The following BRD10 variants were observed in gnomAD, a reference collection of about 807,000 sequenced individuals.
The protein encoded by BRD10 is bromodomain containing 10.
At chr9:5,999,345 T>C in the BRD10 span, among the ~76,000 whole-genome samples, 2 of 152,118 alleles carry the variant, frequency 1.3e-5, no homozygotes. Flanking sequence ...TTCTGCTATA[T>C]ATAAAACTAA....
At chr9:5,947,690 T>C in the BRD10 span, among the ~76,000 whole-genome samples, 1 of 152,070 alleles carries the variant, frequency 6.6e-6, no homozygotes, top group Non-Finnish European at 1.5e-5. Context: ...TAGTTTGACT[T>C]ATGCCAACTC....
the BRD10 span, chr9:5,898,829 G>A: frequency 0.3 from 45,083 of 152,014 alleles, 6,953 homozygotes; most frequent in East Asian, 0.46. Flanking sequence ...TCATCAGTGC[G>A]ATGAGGAAAC....
chr9:5,952,664 C>A, the BRD10 span, among the ~76,000 whole-genome samples: 1 of 152,158 alleles, frequency 6.6e-6, no homozygotes, highest in Non-Finnish European at 1.5e-5. Context: ...AGTCTATTCA[C>A]TAAGATGGGT....
At chr9:5,959,599 A>G in the BRD10 span, among the ~76,000 whole-genome samples, 35 of 152,288 alleles carry the variant, frequency 2.3e-4, no homozygotes, top group African/African-American at 7.9e-4. Flanking sequence ...CTCTCTTTAT[A>G]TTTTGAAATC....
the BRD10 span, among the ~76,000 whole-genome samples, chr9:5,965,046 T>A: frequency 3.2e-4 from 31 of 96,644 alleles, no homozygotes; most frequent in Non-Finnish European, 6.0e-4. Context: ...CCCTAAAACT[T>A]AAAGTATAAT....
the BRD10 span, among the ~76,000 whole-genome samples, chr9:5,946,806 T>C: frequency 2.6e-5 from 4 of 152,092 alleles, no homozygotes; most frequent in Admixed American, 6.5e-5. Context: ...ACAGGAACCA[T>C]GAAGACATAT....
the BRD10 span, among the ~76,000 whole-genome samples, chr9:5,912,270 T>C: frequency 6.6e-6 from 1 of 152,182 alleles, no homozygotes; most frequent in South Asian, 2.1e-4. Context: ...AGTTTTTTGG[T>C]GGAGTCTTTA....
chr9:5,972,130 C>T, the BRD10 span, among the ~76,000 whole-genome samples: 5 of 152,116 alleles, frequency 3.3e-5, no homozygotes, highest in African/African-American at 1.2e-4. Context: ...GGAACTCCTA[C>T]TACTACAGTG....
chr9:5,967,542 T>C, the BRD10 span, among the ~76,000 whole-genome samples: 1 of 152,014 alleles, frequency 6.6e-6, no homozygotes, highest in African/African-American at 2.4e-5. Context: ...GAAAACATAG[T>C]TCTGAAAAAT....
chr9:5,903,627 C>G, the BRD10 span, among the ~76,000 whole-genome samples: 4 of 152,282 alleles, frequency 2.6e-5, no homozygotes, highest in African/African-American at 9.6e-5. Flanking sequence ...GTGGATGCAA[C>G]TATTTTTCCT....
the BRD10 span, chr9:5,969,578 C>G: frequency 1.5e-6 from 1 of 651,258 alleles, no homozygotes; most frequent in Non-Finnish European, 2.5e-6. Context: ...GAGTCTCGCT[C>G]TGTCCCCCAG....
At chr9:5,879,089 T>A in the BRD10 span, among the ~76,000 whole-genome samples, 1 of 152,180 alleles carries the variant, frequency 6.6e-6, no homozygotes, top group Non-Finnish European at 1.5e-5. Flanking sequence ...AAACTCACAG[T>A]AGAGCTGATG....
the BRD10 span, chr9:6,007,641 C>G: frequency 6.2e-7 from 1 of 1,602,646 alleles, no homozygotes. Context: ...CGTCCTCCAG[C>G]GAGGAGGCAC....
chr9:5,948,041 T>A, the BRD10 span, among the ~76,000 whole-genome samples: 2 of 152,074 alleles, frequency 1.3e-5, no homozygotes, highest in African/African-American at 4.8e-5. Context: ...CAAGAAGAGT[T>A]TTATCTCCCA....
the BRD10 span, among the ~76,000 whole-genome samples, chr9:5,938,445 T>A: frequency 6.6e-6 from 1 of 152,096 alleles, no homozygotes; most frequent in African/African-American, 2.4e-5. Flanking sequence ...GGAGCCCCTA[T>A]CTTAAAAATA....
At chr9:5,972,641 G>A in the BRD10 span, among the ~76,000 whole-genome samples, 9 of 152,270 alleles carry the variant, frequency 5.9e-5, no homozygotes, top group Admixed American at 4.6e-4. Context: ...TTCTCACCAC[G>A]TGATATGTTG....
At chr9:5,917,473 G>A in the BRD10 span, among the ~76,000 whole-genome samples, 1 of 152,248 alleles carries the variant, frequency 6.6e-6, no homozygotes, top group Admixed American at 6.5e-5. Flanking sequence ...GGGGACTTCA[G>A]TACGAAGGTT....
At chr9:5,921,917 C>T in the BRD10 span, 1 of 1,613,926 alleles carries the variant, frequency 6.2e-7, no homozygotes. Context: ...TGGGGCAAAG[C>T]TAGCTGGAAT....
chr9:5,955,918 G>A, the BRD10 span, among the ~76,000 whole-genome samples: 1 of 152,092 alleles, frequency 6.6e-6, no homozygotes, highest in African/African-American at 2.4e-5. Context: ...TAAACTGAGT[G>A]CCATAAGTAT....
Sources: allele counts gnomAD v4.1 joint callset (sites outside exome capture counted in the v4.1 genomes callset), GRCh38; gene constraint gnomAD v4.1.1; transcripts MANE v1.5; gene names NCBI Gene and HGNC (gene_info 2026-07-23, HGNC 2026-07-21).